Variants in SLC44A5 observed in about 807,000 individuals in gnomAD.
SLC44A5 encodes solute carrier family 44 member 5, also known as choline transporter-like protein 5.
Under a neutral mutation model 101.8 loss-of-function variants are expected in SLC44A5, and 57 were observed. That is an observed-to-expected ratio of 0.56 (90% CI 0.45 to 0.70). SLC44A5 has a LOEUF of 0.70. Ranked by LOEUF, SLC44A5 falls within the 30% of genes least tolerant of loss-of-function variation. The pLI, the probability that SLC44A5 is intolerant of heterozygous loss-of-function variation, is 0.00. For missense variants in SLC44A5, 737 were observed against 853.1 expected, an observed-to-expected ratio of 0.86 and a Z score of 1.70; for synonymous variants, 281 against 290.9, an observed-to-expected ratio of 0.97 and a Z score of 0.35.
intron 1 of SLC44A5, among the ~76,000 whole-genome samples, chr1:75,609,403 C>A (rs1481802154): frequency 6.6e-6 from 1 of 151,820 alleles, no homozygotes; most frequent in African/African-American, 2.4e-5. Context: ...CTAAATCAAG[C>A]TATTTAACAT....
the SLC44A5 span, among the ~76,000 whole-genome samples, chr1:75,678,421 G>A: frequency 1.3e-4 from 19 of 151,982 alleles, no homozygotes; most frequent in Non-Finnish European, 2.1e-4. Context: ...ATCTGAGAAC[G>A]GGCAGATTGC....
chr1:75,647,093 G>A, the SLC44A5 span, among the ~76,000 whole-genome samples: 10,989 of 152,222 alleles, frequency 0.072, 628 homozygotes, highest in East Asian at 0.25. Flanking sequence ...GGAGGCCTAC[G>A]AAGAAAAATG....
At chr1:75,243,094 C>T (rs1570452499) in intron 7 of SLC44A5, 83 bp from the exon 8 acceptor site, 3 of 1,442,402 alleles carry the variant, frequency 2.1e-6, no homozygotes, top group Non-Finnish European at 2.8e-6. Context: ...CTAAATTATC[C>T]ACCATAACAA....
intron 2 of SLC44A5, among the ~76,000 whole-genome samples, chr1:75,437,877 T>C (rs1345238869): frequency 1.3e-5 from 2 of 152,140 alleles, no homozygotes; most frequent in African/African-American, 4.8e-5. Context: ...AAGACTGAGT[T>C]AGCTAAGGGG....
chr1:75,462,575 T>G (rs151117644), intron 2 of SLC44A5, among the ~76,000 whole-genome samples: 58 of 152,212 alleles, frequency 3.8e-4, no homozygotes, highest in African/African-American at 1.3e-3. Flanking sequence ...GAAACAGATA[T>G]GCGACCTTTC....
chr1:75,652,750 C>T, the SLC44A5 span, among the ~76,000 whole-genome samples: 1 of 152,278 alleles, frequency 6.6e-6, no homozygotes, highest in Admixed American at 6.5e-5. Context: ...GCTATGATCA[C>T]ACCACTACAC....
At chr1:75,419,463 AAG>A (rs553508402) in intron 2 of SLC44A5, among the ~76,000 whole-genome samples, 76 of 151,922 alleles carry the variant, frequency 5.0e-4, no homozygotes, top group African/African-American at 1.5e-3. Context: ...TAAAGTGCTA[AAG>A]AGAGAGAAAA....
the SLC44A5 span, chr1:75,723,945 C>G: frequency 3.9e-5 from 6 of 152,240 alleles, no homozygotes; most frequent in Non-Finnish European, 8.8e-5. Flanking sequence ...AAGCTACCAT[C>G]TCAAAACTCA....
chr1:75,296,020 A>C (rs1249003689), intron 5 of SLC44A5, among the ~76,000 whole-genome samples: 1 of 152,182 alleles, frequency 6.6e-6, no homozygotes, highest in Non-Finnish European at 1.5e-5. Context: ...TCTCTACCTT[A>C]TTCTACGAAG....
At chr1:75,277,720 G>A (rs1261829345) in intron 5 of SLC44A5, among the ~76,000 whole-genome samples, 1 of 151,962 alleles carries the variant, frequency 6.6e-6, no homozygotes, top group Non-Finnish European at 1.5e-5. Flanking sequence ...GGATCTGAGT[G>A]TCTGGGGATA....
chr1:75,424,951 A>C (rs1348425919), intron 2 of SLC44A5, among the ~76,000 whole-genome samples: 1 of 152,250 alleles, frequency 6.6e-6, no homozygotes, highest in Non-Finnish European at 1.5e-5. Flanking sequence ...AAAAATACTA[A>C]ATACATTTCC....
At chr1:75,707,650 C>T in the SLC44A5 span, among the ~76,000 whole-genome samples, 1 of 152,180 alleles carries the variant, frequency 6.6e-6, no homozygotes, top group South Asian at 2.1e-4. Flanking sequence ...TTCTGCTTTA[C>T]TTGATAATCT....
rs1020545926 is a variant in SLC44A5 at position 75,203,825 on chromosome 1, A to T, written c.2056T>A (p.Leu686Ile). The T allele has an allele frequency of 6.5e-7, 1 of 1,548,270 alleles. No individual in the cohort carries two copies. Among genetic ancestry groups the T allele is most frequent in the Non-Finnish European group, 8.7e-7 (1 of 1,145,458 alleles). The change falls in exon 24 of 24, where the codon TTA becomes ATA. Residue 686 changes from leucine (L) to isoleucine (I), a missense_variant. Physicochemically the swap from Leu to Ile is conservative, Grantham distance 5. Transcript: ENST00000370859. ...GCAGTAGAACCATCATTTCTTTCTA[A>T]ATCTTCCACTAGGAGGAAGAATGGT... ...ETIFICFLED[L>I]ERNDGSTARP... is the part of the protein sequence containing the mutation.
chr1:75,229,021 A>G (rs1382966213), intron 12 of SLC44A5, among the ~76,000 whole-genome samples: 1 of 151,592 alleles, frequency 6.6e-6, no homozygotes, highest in Non-Finnish European at 1.5e-5. Flanking sequence ...TTTGCTCACT[A>G]TGTTTTCTTT....
At position 75,266,318 on chromosome 1, in the gene SLC44A5, T is replaced by TACACACACACACAC. The variant is rs61250669; in HGVS notation, c.260+8626_260+8639dup. ...GATGCATTTCATTTTGGCATAGAAA[T>TACACACACACACAC]ACACACACACACACACACACACACA... On this transcript the variant is annotated intron_variant, in intron 6 of 23. Transcript: ENST00000370859. 5.9e-3 allele frequency among the ~76,000 whole-genome samples: 870 copies of TACACACACACACAC among 146,920 alleles called. 3 individuals carry two copies. The highest frequency in any genetic ancestry group is 0.012 in the South Asian group (54 of 4,552).
At chr1:75,621,087 G>C in the SLC44A5 span, among the ~76,000 whole-genome samples, 17 of 152,150 alleles carry the variant, frequency 1.1e-4, no homozygotes, top group African/African-American at 4.1e-4. Context: ...AGCCATCAAT[G>C]AGAATGATCA....
At chr1:75,444,423 GAGAA>G (rs1268685646) in intron 2 of SLC44A5, among the ~76,000 whole-genome samples, 5 of 134,636 alleles carry the variant, frequency 3.7e-5, no homozygotes, top group African/African-American at 1.4e-4. Context: ...AAGAGAGAGA[GAGAA>G]AGAAAGACAG....
intron 2 of SLC44A5, among the ~76,000 whole-genome samples, chr1:75,406,694 T>C (rs1454438779): frequency 6.6e-6 from 1 of 152,060 alleles, no homozygotes; most frequent in African/African-American, 2.4e-5. Flanking sequence ...ATAAACTAGG[T>C]ATTGATGGAA....
At chr1:75,387,949 A>T (rs2101324691) in intron 3 of SLC44A5, among the ~76,000 whole-genome samples, 1 of 149,266 alleles carries the variant, frequency 6.7e-6, no homozygotes, top group Admixed American at 6.7e-5. Flanking sequence ...TTCTCAGTAA[A>T]CTATCGCAAG....
Sources: gnomAD v4.1 joint callset for allele counts (sites outside exome capture counted in the v4.1 genomes callset) on GRCh38, gnomAD v4.1.1 for gene constraint, MANE v1.5 for transcripts, NCBI Gene and HGNC (gene_info 2026-07-23, HGNC 2026-07-21) for gene names.